Variants in ERLIN1 observed in about 807,000 individuals in gnomAD.
ERLIN1 encodes the protein ER lipid raft associated 1.
ERLIN1 carries 24 observed loss-of-function variants against 46.9 expected under a neutral mutation model. That is an observed-to-expected ratio of 0.51 (90% CI 0.37 to 0.72). The LOEUF is 0.72. Ranked by LOEUF, ERLIN1 falls within the 30% of genes least tolerant of loss-of-function variation. The probability of loss-of-function intolerance (pLI) is 0.00; values close to 1 mark genes in which losing one functional copy is unlikely to be tolerated. For synonymous variants in ERLIN1, 158 were observed against 143.2 expected (o/e 1.10, Z -0.74); for missense variants, 293 against 417.9 (o/e 0.70, Z 2.61).
rs200440512 is a variant in ERLIN1 at position 100,178,088 on chromosome 10, C to T, written c.304+45G>A. 59 of 1,200,970 alleles carry T rather than the reference C, an allele frequency of 4.9e-5. No individual in the cohort carries two copies. In the African/African-American group the frequency reaches 8.3e-4, roughly 17 times the overall value. 74.4% of individuals were successfully genotyped at this position (1,200,970 alleles called of 1,614,324 possible). A position where few individuals can be genotyped will look rare whatever the true frequency, so the allele number is the denominator to read the frequency against. ...CTCAAAGAATCTCTCAGCTATAAAT[C>T]CTCTGGCTATAACTATAAAAACCAC... On this transcript the variant is annotated intron_variant, in intron 4 of 10. Coordinates refer to ENST00000421367, the MANE Select transcript of ERLIN1 (RefSeq NM_006459.4).
intron 1 of ERLIN1, 106 bp downstream of exon 1, chr10:100,185,408 G>A (rs1294308208): frequency 2.0e-5 from 17 of 853,278 alleles, no homozygotes; most frequent in Non-Finnish European, 3.1e-5. Flanking sequence ...CCTAGAGATG[G>A]GACATGCGCC....
In ERLIN1 at chr10:100,176,009, G is replaced by A. The variant is rs1844273790; in HGVS notation, c.366C>T (p.Ile122=). The A allele has an allele frequency of 6.2e-7, 1 of 1,612,846 alleles. No individual in the cohort carries two copies. Among genetic ancestry groups the A allele is most frequent in the Non-Finnish European group, 8.5e-7 (1 of 1,179,114 alleles). The part of the protein sequence containing the change: ...DYDKTLIFNK[I]HHELNQFCSA... The stretch of plus-strand genomic sequence containing the variant: ...TGCAGAACTGGTTCAGCTCATGGTG[G>A]ATTTTATTGAAGATTAAGGTCTTGT... The change falls in exon 5 of 11, where the codon ATC becomes ATT. Residue 122 remains isoleucine (I), a synonymous_variant. Transcript: ENST00000421367.
intron 5 of ERLIN1, among the ~76,000 whole-genome samples, chr10:100,174,960 T>G (rs777665919): frequency 6.6e-6 from 1 of 152,212 alleles, no homozygotes; most frequent in Non-Finnish European, 1.5e-5. Flanking sequence ...TTTCCTCACA[T>G]GCCACTTCAG....
chr10:100,174,670 A>C (rs1286889261), intron 5 of ERLIN1, among the ~76,000 whole-genome samples: 1 of 152,212 alleles, frequency 6.6e-6, no homozygotes, highest in Non-Finnish European at 1.5e-5. Context: ...GCTCTTACTC[A>C]ATATGTATCC....
intron 2 of ERLIN1, among the ~76,000 whole-genome samples, chr10:100,181,528 T>A (rs1157132172): frequency 6.6e-6 from 1 of 151,116 alleles, no homozygotes; most frequent in African/African-American, 2.4e-5. Flanking sequence ...TTTTTTTTTT[T>A]TTTTGAGACG....
At chr10:100,177,315 A>C (rs971677940) in intron 4 of ERLIN1, among the ~76,000 whole-genome samples, 13 of 152,182 alleles carry the variant, frequency 8.5e-5, no homozygotes, top group Admixed American at 7.9e-4. Context: ...AGAGGAAAAA[A>C]AGACAAGGAA....
intron 6 of ERLIN1, among the ~76,000 whole-genome samples, chr10:100,171,613 G>C (rs1299098887): frequency 6.6e-6 from 1 of 152,074 alleles, no homozygotes; most frequent in Non-Finnish European, 1.5e-5. Flanking sequence ...GTCTCACTAT[G>C]TTGTCCAAGC....
At chr10:100,168,183 A>C (rs890092731) in intron 6 of ERLIN1, among the ~76,000 whole-genome samples, 2 of 152,178 alleles carry the variant, frequency 1.3e-5, no homozygotes, top group Non-Finnish European at 2.9e-5. Context: ...CCGCCGCCCC[A>C]CCTATACTGC....
chr10:100,163,322 G>C (rs1011595756), intron 8 of ERLIN1, among the ~76,000 whole-genome samples: 1 of 147,902 alleles, frequency 6.8e-6, no homozygotes. Flanking sequence ...AAAAGTCAAA[G>C]AGTAGGACCA....
chr10:100,185,036 T>C (rs1372038740), intron 1 of ERLIN1, among the ~76,000 whole-genome samples: 1 of 151,970 alleles, frequency 6.6e-6, no homozygotes, highest in African/African-American at 2.4e-5. Flanking sequence ...GTGTTGTGCT[T>C]ATGTCCCTGG....
rs779695614 is a variant in ERLIN1, at chr10:100,152,304, C to A, written c.874G>T (p.Ala292Ser). ...CCAAAATAGATCTTACTGTTAGAAGCAATGGCCTGGTACTTTTTGAGCTCC... is the reference window on the plus strand; with the variant it reads ...CCAAAATAGATCTTACTGTTAGAAGAAATGGCCTGGTACTTTTTGAGCTCC... ...YLELKKYQAI[A>S]SNSKIYFGSN... The change falls in exon 11 of 11, where the codon GCT (alanine) becomes TCT (serine). Residue 292 changes from alanine to serine, a missense_variant. Physicochemically the swap from Ala to Ser is moderately conservative, Grantham distance 99. Transcript: ENST00000421367. 1 of 1,613,812 alleles carries A rather than the reference C, an allele frequency of 6.2e-7. No individual in the cohort carries two copies. The highest frequency in any genetic ancestry group is 8.5e-7 in the Non-Finnish European group (1 of 1,179,706).
At chr10:100,180,273 T>C (rs1216830377) in intron 2 of ERLIN1, among the ~76,000 whole-genome samples, 2 of 152,178 alleles carry the variant, frequency 1.3e-5, no homozygotes, top group Non-Finnish European at 2.9e-5. Context: ...ACATACTGCA[T>C]CTTATCAAGC....
intron 1 of ERLIN1, among the ~76,000 whole-genome samples, chr10:100,184,653 TA>T (rs1422989807): frequency 1.3e-5 from 2 of 152,254 alleles, no homozygotes; most frequent in Non-Finnish European, 2.9e-5. Flanking sequence ...TCTCTGGTTT[TA>T]CTGTCAGAAA....
intron 9 of ERLIN1, among the ~76,000 whole-genome samples, chr10:100,155,426 A>G (rs1219925147): frequency 1.3e-5 from 2 of 151,786 alleles, no homozygotes; most frequent in Non-Finnish European, 2.9e-5. Flanking sequence ...GAGGCCCTCC[A>G]TGAAAACTGT....
At chr10:100,181,687 G>T (rs1459959062) in intron 2 of ERLIN1, among the ~76,000 whole-genome samples, 2 of 151,836 alleles carry the variant, frequency 1.3e-5, no homozygotes, top group Non-Finnish European at 2.9e-5. Flanking sequence ...GCTAATTTTT[G>T]TATTTTTGTA....
chr10:100,163,973 AGAG>A (rs1843497741), intron 8 of ERLIN1, 28 bp downstream of exon 8: 2 of 1,395,312 alleles, frequency 1.4e-6, no homozygotes, highest in Non-Finnish European at 2.0e-6. Context: ...AAATGTACTT[AGAG>A]ACAATCATTT....
rs1441281483 is a variant in ERLIN1 at position 100,180,838 on chromosome 10, G to A, written c.196-1591C>T. 3.9e-5 allele frequency among the ~76,000 whole-genome samples: 6 copies of A among 152,262 alleles called. No homozygotes were observed. The South Asian group carries it at 1.2e-3, about 32-fold the overall frequency. ...TGTAGTTCTCATTCTCCATCTTATA[G>A]GGAGGTAAGAAAACCAGCTGGGAGG... On this transcript the variant is annotated intron_variant, in intron 2 of 10. Transcript: ENST00000421367.
intron 6 of ERLIN1, among the ~76,000 whole-genome samples, chr10:100,168,977 C>T (rs1028374378): frequency 6.6e-6 from 1 of 152,200 alleles, no homozygotes; most frequent in East Asian, 1.9e-4. Flanking sequence ...AGCCACCACA[C>T]TCGGCCAGGA....
At position 100,156,212 on chromosome 10, in the gene ERLIN1, C is replaced by G. The variant is rs762266742; in HGVS notation, c.678G>C (p.Val226=). ...CTTTCTGCTGAAACCGAATTTTTGC[C>G]ACTTGTGCAATCTTCTCTGCTTCTA... ...AVIEAEKIAQ[V]AKIRFQQKVM... is the part of the protein sequence containing the mutation. The change falls in exon 9 of 11, where the codon GTG becomes GTC. Residue 226 remains valine, a synonymous_variant. Transcript: ENST00000421367. The G allele has an allele frequency of 6.2e-6, 10 of 1,612,314 alleles. No homozygotes were observed. In the East Asian group the frequency reaches 2.2e-4, roughly 36 times the overall value.
Sources: allele counts gnomAD v4.1 joint callset (sites outside exome capture counted in the v4.1 genomes callset), GRCh38; gene constraint gnomAD v4.1.1; transcripts MANE v1.5; gene names NCBI Gene and HGNC (gene_info 2026-07-23, HGNC 2026-07-21).